The following CEP126 variants were observed in gnomAD, a reference collection of about 807,000 sequenced individuals.
The protein encoded by CEP126 is centrosomal protein of 126 kDa.
CEP126 carries 74 observed loss-of-function variants against 107.8 expected under a neutral mutation model. The ratio of observed to expected loss-of-function variants is 0.69; its 90% CI spans 0.57 to 0.83. The LOEUF is 0.83. Ranked by LOEUF, CEP126 falls within the 40% of genes least tolerant of loss-of-function variation. The pLI, the probability that CEP126 is intolerant of heterozygous loss-of-function variation, is 0.00. For synonymous variants in CEP126, 449 were observed against 446.0 expected (o/e 1.01, Z -0.08); for missense variants, 1,237 against 1,281.9 (o/e 0.96, Z 0.53).
intron 4 of CEP126, among the ~76,000 whole-genome samples, chr11:101,953,776 A>G (rs1420096212): frequency 2.0e-5 from 3 of 152,208 alleles, no homozygotes; most frequent in Non-Finnish European, 4.4e-5. Flanking sequence ...AAGTTGTGGT[A>G]GTAATATAAT....
intron 4 of CEP126, among the ~76,000 whole-genome samples, chr11:101,957,357 G>A (rs865993905): frequency 9.2e-5 from 14 of 152,214 alleles, no homozygotes; most frequent in Non-Finnish European, 1.3e-4. Context: ...TCAGCTATAT[G>A]GTAGTCTCAT....
At chr11:101,953,416 C>T (rs1940839524) in intron 4 of CEP126, among the ~76,000 whole-genome samples, 1 of 152,022 alleles carries the variant, frequency 6.6e-6, no homozygotes, top group Non-Finnish European at 1.5e-5. Flanking sequence ...ACCCTTTACT[C>T]ACACACTAAT....
intron 2 of CEP126, among the ~76,000 whole-genome samples, chr11:101,923,179 T>A (rs952867928): frequency 2.0e-4 from 30 of 152,226 alleles, no homozygotes; most frequent in African/African-American, 6.7e-4. Flanking sequence ...CCACTTTTCA[T>A]TCGTTCAATC....
intron 10 of CEP126, among the ~76,000 whole-genome samples, chr11:101,997,203 A>G (rs1565372803): frequency 6.6e-6 from 1 of 151,970 alleles, no homozygotes; most frequent in East Asian, 1.9e-4. Flanking sequence ...ACACACAGCT[A>G]ATTTTTGTAT....
intron 1 of CEP126, among the ~76,000 whole-genome samples, chr11:101,922,138 A>G (rs1360795129): frequency 2.0e-5 from 3 of 148,550 alleles, no homozygotes; most frequent in Non-Finnish European, 4.5e-5. Flanking sequence ...AGTGAGCTAT[A>G]TCTTACTTTC....
At chr11:101,959,475 T>A (rs1301063003) in intron 5 of CEP126, among the ~76,000 whole-genome samples, 4 of 152,088 alleles carry the variant, frequency 2.6e-5, no homozygotes, top group African/African-American at 4.8e-5. Flanking sequence ...AAGAAGACTA[T>A]GAAATCTAAA....
At chr11:101,947,454 A>T (rs919089699) in intron 3 of CEP126, among the ~76,000 whole-genome samples, 1 of 152,090 alleles carries the variant, frequency 6.6e-6, no homozygotes, top group African/African-American at 2.4e-5. Flanking sequence ...GAGAAAGTGG[A>T]TATATATAGG....
At chr11:101,921,847 G>A (rs1186913057) in intron 1 of CEP126, among the ~76,000 whole-genome samples, 7 of 130,996 alleles carry the variant, frequency 5.3e-5, no homozygotes, top group Non-Finnish European at 9.4e-5. Context: ...ATGCAGTGGC[G>A]CAATCTCGGC....
chr11:101,940,162 T>C (rs1940644324), intron 2 of CEP126, among the ~76,000 whole-genome samples: 1 of 152,228 alleles, frequency 6.6e-6, no homozygotes, highest in Non-Finnish European at 1.5e-5. Flanking sequence ...AGTTACATGC[T>C]GCACTATCAG....
At position 101,998,651 on chromosome 11, in the gene CEP126, A is replaced by G. The variant is rs1214934031; in HGVS notation, c.*1008A>G. On this transcript the variant is annotated 3_prime_UTR_variant, in exon 11 of 11. Coordinates refer to ENST00000263468, the MANE Select transcript of CEP126 (RefSeq NM_020802.4). ...TAGAAATTAAGAGTTTTAAGAAAAC[A>G]TGTGGCCTTTTATTAATAACACTAC... The G allele has an allele frequency of 7.1e-6, 1 of 141,518 alleles. No individual in the cohort carries two copies. The highest frequency in any genetic ancestry group is 1.5e-5 in the Non-Finnish European group (1 of 65,714). 8.8% of individuals were successfully genotyped at this position (141,518 alleles called of 1,614,324 possible).
At chr11:101,973,098 A>G (rs1941153144) in intron 6 of CEP126, among the ~76,000 whole-genome samples, 1 of 152,200 alleles carries the variant, frequency 6.6e-6, no homozygotes. Context: ...TCCTTTTATG[A>G]ATAATTCTTC....
chr11:101,925,852 G>A (rs376473589), intron 2 of CEP126, among the ~76,000 whole-genome samples: 12 of 145,646 alleles, frequency 8.2e-5, no homozygotes, highest in Admixed American at 4.2e-4. Context: ...ACGGGGTTTC[G>A]CCACGTTGGC....
intron 2 of CEP126, among the ~76,000 whole-genome samples, chr11:101,927,467 A>G (rs1940430140): frequency 6.6e-6 from 1 of 152,182 alleles, no homozygotes; most frequent in Non-Finnish European, 1.5e-5. Flanking sequence ...CAATATCACA[A>G]CTAGCATAAT....
At chr11:101,969,648 A>G (rs556472199) in intron 6 of CEP126, among the ~76,000 whole-genome samples, 1 of 152,372 alleles carries the variant, frequency 6.6e-6, no homozygotes, top group South Asian at 2.1e-4. Context: ...TTTATATGGA[A>G]ATGCAAAGGC....
chr11:101,986,434 A>G (rs1941317288), intron 8 of CEP126, among the ~76,000 whole-genome samples: 1 of 152,118 alleles, frequency 6.6e-6, no homozygotes, highest in Admixed American at 6.5e-5. Context: ...AAAGTTTCTA[A>G]TCTTAAGGGT....
chr11:101,915,314 C>A lies in CEP126; in HGVS notation c.30C>A (p.Ser10Arg). Residue 10 changes from serine to arginine, a missense_variant, in exon 1 of 11, where the codon AGC becomes AGA. By Grantham distance (110) the Ser-to-Arg change is moderately radical. Transcript: ENST00000263468. ...TGGCGGGGAGGCCCGGAACCCGGAG[C>A]GCGGTCGGGGAACTGGGCACTGAAT... is the stretch of plus-strand genomic sequence containing the variant. MLAGRPGTR[S>R]AVGELGTESS... 6.2e-7 allele frequency: 1 copy of A among 1,613,760 alleles called. No homozygotes were observed. The highest frequency in any genetic ancestry group is 8.5e-7 in the Non-Finnish European group (1 of 1,179,966).
intron 2 of CEP126, among the ~76,000 whole-genome samples, chr11:101,938,170 A>G (rs1016200305): frequency 6.9e-6 from 1 of 145,110 alleles, no homozygotes; most frequent in Non-Finnish European, 1.5e-5. Flanking sequence ...AAAAAAAAAA[A>G]AAAAAATACA....
chr11:101,934,962 T>C lies in CEP126; in HGVS notation c.249-9303T>C, dbSNP rs192886580. On this transcript the variant is annotated intron_variant, in intron 2 of 10. Transcript: ENST00000263468. ...TAGGGTATGTGTATGTTTAACCATA[T>C]AAGAAGATGTCAAACAGTTTTCCAA... 2.0e-5 allele frequency among the ~76,000 whole-genome samples: 3 copies of C among 152,216 alleles called. No individual in the cohort carries two copies. In the East Asian group the frequency reaches 5.8e-4, roughly 29 times the overall value.
In CEP126 at chr11:101,962,108, A is replaced by G; in HGVS notation, c.1073A>G (p.Glu358Gly). Residue 358 changes from glutamate to glycine, a missense_variant, in exon 6 of 11, where the codon GAA becomes GGA. Physicochemically the swap from Glu to Gly is moderately conservative, Grantham distance 98. Coordinates refer to ENST00000263468, the MANE Select transcript of CEP126 (RefSeq NM_020802.4). Reference sequence around the variant, plus strand: ...CCATCTCCTTTGAATGGAACAGTGGAAAGAGCCACAAATACTGCTAATAAT... The same window carrying G: ...CCATCTCCTTTGAATGGAACAGTGGGAAGAGCCACAAATACTGCTAATAAT... ...QNPSPLNGTVERATNTANNSV... is the reference protein window; with the variant it reads ...QNPSPLNGTVGRATNTANNSV... The G allele has an allele frequency of 1.9e-6, 3 of 1,612,188 alleles. No individual in the cohort carries two copies. Among genetic ancestry groups the G allele is most frequent in the Non-Finnish European group, 2.5e-6 (3 of 1,179,420 alleles).
Sources: allele counts gnomAD v4.1 joint callset (sites outside exome capture counted in the v4.1 genomes callset), GRCh38; gene constraint gnomAD v4.1.1; transcripts MANE v1.5; gene names NCBI Gene and HGNC (gene_info 2026-07-23, HGNC 2026-07-21).